The following CSMD1 variants were observed in gnomAD, a reference collection of about 807,000 sequenced individuals.
CSMD1 encodes the protein CUB and Sushi multiple domains 1.
CSMD1 carries 213 observed loss-of-function variants against 417.5 expected under a neutral mutation model. The observed-to-expected ratio is 0.51, with a 90% CI of 0.46 to 0.57. The LOEUF (loss-of-function observed/expected upper bound fraction) is 0.57. Among genes scored for constraint, CSMD1 ranks in the 20% least tolerant of loss-of-function variants. The probability of loss-of-function intolerance (pLI) is 0.00; values close to 1 mark genes in which losing one functional copy is unlikely to be tolerated. For synonymous variants in CSMD1, 2,862 were observed against 1,736.8 expected, an observed-to-expected ratio of 1.65 and a Z score of -16.11; for missense variants, 6,923 against 4,529.7, an observed-to-expected ratio of 1.53 and a Z score of -15.17.
intron 3 of CSMD1, among the ~76,000 whole-genome samples, chr8:4,195,999 C>A (rs967356804): frequency 6.6e-6 from 1 of 152,060 alleles, no homozygotes; most frequent in Non-Finnish European, 1.5e-5. Flanking sequence ...ATCATGAGGT[C>A]ATGCGATCGA....
Position 3,796,476 on chromosome 8 carries a change from ATATC to A in CSMD1, c.819-42438_819-42435del, listed in dbSNP as rs200384789. Reference sequence around the variant, plus strand: ...ATATAGATATCTATCATGTATATAGATATCTATCTATCATGTATAGATATAGATA... The same window carrying A: ...ATATAGATATCTATCATGTATATAGATATCTATCATGTATAGATATAGATA... On this transcript the variant is annotated intron_variant, in intron 5 of 69. Coordinates refer to ENST00000635120, the MANE Select transcript of CSMD1 (RefSeq NM_033225.6). Among the ~76,000 whole-genome samples the A allele has an allele frequency of 4.1e-3, 552 of 134,688 alleles. 21 individuals are homozygous for A. The highest frequency in any genetic ancestry group is 0.012 in the African/African-American group (382 of 32,562). The allele number at this position is 134,688 out of a possible 152,430, so 88.4% of individuals were successfully genotyped here. A position where few individuals can be genotyped will look rare whatever the true frequency, so the allele number is the denominator to read the frequency against.
intron 3 of CSMD1, among the ~76,000 whole-genome samples, chr8:4,363,852 A>C (rs1003354350): frequency 1.3e-5 from 2 of 152,194 alleles, no homozygotes; most frequent in African/African-American, 4.8e-5. Context: ...GAAAATCAAA[A>C]CAATAGAACT....
At chr8:4,874,728 C>A (rs943335890) in intron 1 of CSMD1, among the ~76,000 whole-genome samples, 2 of 151,302 alleles carry the variant, frequency 1.3e-5, no homozygotes, top group African/African-American at 4.9e-5. Context: ...TATCTGAATT[C>A]TTAACACCTT....
chr8:4,944,569 A>T (rs1483998520), intron 1 of CSMD1, among the ~76,000 whole-genome samples: 1 of 152,210 alleles, frequency 6.6e-6, no homozygotes, highest in Non-Finnish European at 1.5e-5. Context: ...ACCTGAAGAG[A>T]CAAAATAAAT....
chr8:4,239,753 A>T (rs1434570107), intron 3 of CSMD1, among the ~76,000 whole-genome samples: 1 of 152,202 alleles, frequency 6.6e-6, no homozygotes, highest in Non-Finnish European at 1.5e-5. Flanking sequence ...TGGTTTCTTA[A>T]TGATGACAAT....
intron 5 of CSMD1, among the ~76,000 whole-genome samples, chr8:3,764,735 CTTTCTTTTT>C (rs200672708): frequency 0.07 from 7,341 of 105,370 alleles, 170 homozygotes; most frequent in Middle Eastern, 0.15. Flanking sequence ...GCCCTTTTCT[CTTTCTTTTT>C]TTTTTTTTTT....
chr8:4,538,478 A>G (rs975484519), intron 2 of CSMD1, among the ~76,000 whole-genome samples: 1 of 151,972 alleles, frequency 6.6e-6, no homozygotes, highest in Non-Finnish European at 1.5e-5. Context: ...CCCTGTCTCT[A>G]CTAAAAATAG....
At chr8:2,960,659 A>T (rs529190436) in intron 62 of CSMD1, among the ~76,000 whole-genome samples, 1 of 152,208 alleles carries the variant, frequency 6.6e-6, no homozygotes, top group East Asian at 1.9e-4. Flanking sequence ...CATACGGAGA[A>T]CTAATTTCAC....
At chr8:4,948,197 G>C (rs1386630642) in intron 1 of CSMD1, among the ~76,000 whole-genome samples, 1 of 151,878 alleles carries the variant, frequency 6.6e-6, no homozygotes, top group Non-Finnish European at 1.5e-5. Context: ...ATTGCTACAG[G>C]TCATAATATA....
chr8:3,324,320 AC>A (rs1370038256), intron 23 of CSMD1, among the ~76,000 whole-genome samples: 1 of 135,890 alleles, frequency 7.4e-6, no homozygotes, highest in Admixed American at 7.4e-5. Flanking sequence ...AGTTTCCTTC[AC>A]CCCACTAGTC....
At chr8:4,478,330 A>G (rs1800910086) in intron 2 of CSMD1, among the ~76,000 whole-genome samples, 1 of 152,222 alleles carries the variant, frequency 6.6e-6, no homozygotes. Context: ...GTGACAGTTT[A>G]ATTTATTTTT....
At chr8:3,287,800 C>T (rs1803270470) in intron 25 of CSMD1, among the ~76,000 whole-genome samples, 1 of 151,886 alleles carries the variant, frequency 6.6e-6, no homozygotes, top group South Asian at 2.1e-4. Context: ...TTATTTCCTC[C>T]AGCTGCCTGA....
intron 5 of CSMD1, among the ~76,000 whole-genome samples, chr8:3,803,916 G>T (rs958022362): frequency 6.6e-6 from 1 of 152,018 alleles, no homozygotes; most frequent in African/African-American, 2.4e-5. Context: ...AGAAGGTTAA[G>T]AGACAAAGTT....
rs1428844698 is a variant in CSMD1 at position 3,439,303 on chromosome 8, ATATATATT to A, written c.1561+29401_1561+29408del. Reference sequence around the variant, plus strand: ...TCAGTATATATATATATATATATATATATATATTTTTTTTTTTAATATGTATTTTTAAT... The same window carrying A: ...TCAGTATATATATATATATATATATATTTTTTTTTAATATGTATTTTTAAT... On this transcript the variant is annotated intron_variant, in intron 12 of 69. Coordinates refer to ENST00000635120, the MANE Select transcript of CSMD1 (RefSeq NM_033225.6). Among the ~76,000 whole-genome samples, 32 of 37,928 alleles carry A rather than the reference ATATATATT, an allele frequency of 8.4e-4. 3 individuals are homozygous for A. Among genetic ancestry groups the A allele is most frequent in the East Asian group, 4.7e-3 (5 of 1,066 alleles). The allele number at this position is 37,928 out of a possible 152,430, so 24.9% of individuals were successfully genotyped here. A position where few individuals can be genotyped will look rare whatever the true frequency, so the allele number is the denominator to read the frequency against.
intron 1 of CSMD1, among the ~76,000 whole-genome samples, chr8:4,900,223 C>G (rs1804776956): frequency 6.6e-6 from 1 of 152,114 alleles, no homozygotes; most frequent in African/African-American, 2.4e-5. Context: ...GTGCCTCTAT[C>G]TCCAACCTCC....
chr8:3,750,276 T>C (rs1462883780), intron 6 of CSMD1, among the ~76,000 whole-genome samples: 1 of 151,298 alleles, frequency 6.6e-6, no homozygotes, highest in Non-Finnish European at 1.5e-5. Context: ...ATGCGAAGCA[T>C]AAAAATGTAT....
chr8:4,300,429 T>G (rs1385518404), intron 3 of CSMD1, among the ~76,000 whole-genome samples: 2 of 152,228 alleles, frequency 1.3e-5, no homozygotes, highest in Non-Finnish European at 2.9e-5. Context: ...ATGCCAGGCA[T>G]TCAGTCCATC....
intron 10 of CSMD1, among the ~76,000 whole-genome samples, chr8:3,553,557 C>G (rs1799011238): frequency 6.6e-6 from 1 of 152,116 alleles, no homozygotes; most frequent in Non-Finnish European, 1.5e-5. Flanking sequence ...TTGGAATATC[C>G]AACAATTACA....
chr8:3,488,733 A>G (rs1818199937), intron 11 of CSMD1, among the ~76,000 whole-genome samples: 1 of 152,166 alleles, frequency 6.6e-6, no homozygotes, highest in Non-Finnish European at 1.5e-5. Flanking sequence ...AAAAGCTAAC[A>G]ATGGATAGAC....
Sources: gnomAD v4.1 joint callset for allele counts (sites outside exome capture counted in the v4.1 genomes callset) on GRCh38, gnomAD v4.1.1 for gene constraint, MANE v1.5 for transcripts, NCBI Gene and HGNC (gene_info 2026-07-23, HGNC 2026-07-21) for gene names.